The following WDR64 variants were observed in gnomAD, a reference collection of about 807,000 sequenced individuals.
WDR64 encodes WD repeat domain 64, also known as WD repeat-containing protein 64.
WDR64 carries 112 observed loss-of-function variants against 139.3 expected under a neutral mutation model. The observed-to-expected ratio is 0.80, with a 90% confidence interval of 0.69 to 0.94. The LOEUF is 0.94. Among genes scored for constraint, WDR64 ranks in the 40% least tolerant of loss-of-function variants. The probability of loss-of-function intolerance (pLI) is 0.00; values close to 1 mark genes in which losing one functional copy is unlikely to be tolerated. For synonymous variants in WDR64, 444 were observed against 437.7 expected (o/e 1.01, Z -0.18); for missense variants, 1,206 against 1,293.1 (o/e 0.93, Z 1.03).
At chr1:241,778,077 C>T (rs1658725490) in intron 21 of WDR64, among the ~76,000 whole-genome samples, 1 of 152,084 alleles carries the variant, frequency 6.6e-6, no homozygotes. Flanking sequence ...GATTTTCTGC[C>T]TGCTTGGTCT....
At chr1:241,705,944 T>C (rs938347539) in intron 8 of WDR64, among the ~76,000 whole-genome samples, 7 of 152,192 alleles carry the variant, frequency 4.6e-5, no homozygotes, top group Non-Finnish European at 1.0e-4. Flanking sequence ...TTCCCGGCCC[T>C]GGGCATTTTT....
intron 8 of WDR64, among the ~76,000 whole-genome samples, chr1:241,691,125 T>C (rs1667258784): frequency 6.6e-6 from 1 of 151,906 alleles, no homozygotes; most frequent in Non-Finnish European, 1.5e-5. Flanking sequence ...AAATGATAGG[T>C]CAACCACGAA....
At position 241,744,402 on chromosome 1, in the gene WDR64, C is replaced by T. The variant is rs1669669296; in HGVS notation, c.1480C>T (p.Leu494Phe). 1.2e-6 allele frequency: 2 copies of T among 1,614,078 alleles called. No individual in the cohort carries two copies. The highest frequency in any genetic ancestry group is 1.7e-5 in the Admixed American group (1 of 60,008). The change falls in exon 13 of 28, where the codon CTC becomes TTC. Residue 494 changes from leucine (L) to phenylalanine (F), a missense_variant. Physicochemically the swap from Leu to Phe is conservative, Grantham distance 22. Transcript: ENST00000437684. Reference sequence around the variant, plus strand: ...TCGTTCTTTCCCATAGGTATGGGAACTCGAGACTGGGCTCCAAGTATACCA... The same window carrying T: ...TCGTTCTTTCCCATAGGTATGGGAATTCGAGACTGGGCTCCAAGTATACCA... ...CSESIIRVWE[L>F]ETGLQVYQIL...
At chr1:241,722,759 A>C (rs2148198924) in intron 9 of WDR64, among the ~76,000 whole-genome samples, 1 of 152,330 alleles carries the variant, frequency 6.6e-6, no homozygotes, top group Admixed American at 6.5e-5. Context: ...GATTTTTAGC[A>C]ATTAAAAAAC....
intron 1 of WDR64, among the ~76,000 whole-genome samples, chr1:241,654,813 T>C (rs1665515832): frequency 6.6e-6 from 1 of 152,236 alleles, no homozygotes; most frequent in Non-Finnish European, 1.5e-5. Flanking sequence ...CTTTGTTTCA[T>C]GCACAGAATT....
intron 17 of WDR64, 88 bp from the exon 18 acceptor site, chr1:241,770,533 A>C: frequency 8.6e-7 from 1 of 1,163,046 alleles, no homozygotes; most frequent in African/African-American, 1.5e-5. Context: ...AGAAGCAATC[A>C]GCTGAAATTA....
intron 9 of WDR64, among the ~76,000 whole-genome samples, chr1:241,712,598 G>A (rs567302108): frequency 6.6e-6 from 1 of 152,256 alleles, no homozygotes; most frequent in Admixed American, 6.5e-5. Context: ...CTTGCGAGCT[G>A]TGTGGTGGGC....
Position 241,801,675 on chromosome 1 carries a change from T to G in WDR64, c.*460T>G. The G allele has an allele frequency of 2.5e-6, 1 of 398,668 alleles. No homozygotes were observed. Among genetic ancestry groups the G allele is most frequent in the Admixed American group, 4.4e-5 (1 of 22,736 alleles). 24.7% of individuals were successfully genotyped at this position (398,668 alleles called of 1,614,324 possible). A position where few individuals can be genotyped will look rare whatever the true frequency, so the allele number is the denominator to read the frequency against. ...CCAGTCAGATCTCTAGATGTTTGTC[T>G]TCTTCATTTAGAGAAATATTATCTG... On this transcript the variant is annotated 3_prime_UTR_variant, in exon 28 of 28. Coordinates refer to ENST00000437684, the MANE Select transcript of WDR64 (RefSeq NM_001367482.1).
At chr1:241,766,158 C>A in intron 15 of WDR64, 60 bp from the exon 16 acceptor site, 2 of 1,550,784 alleles carry the variant, frequency 1.3e-6, no homozygotes, top group Non-Finnish European at 8.8e-7. Flanking sequence ...GTACACATGG[C>A]GTTTGCACCG....
intron 12 of WDR64, among the ~76,000 whole-genome samples, chr1:241,743,327 A>G (rs1283952472): frequency 1.3e-5 from 2 of 152,106 alleles, no homozygotes; most frequent in African/African-American, 2.4e-5. Flanking sequence ...AATGACCCAC[A>G]TTTCTCTTTC....
chr1:241,778,792 C>A (rs190514625), intron 21 of WDR64, among the ~76,000 whole-genome samples: 227 of 152,120 alleles, frequency 1.5e-3, no homozygotes, highest in African/African-American at 5.3e-3. Context: ...CCAAAGTATT[C>A]CTAATGTCTC....
At chr1:241,721,658 A>G (rs1309950727) in intron 9 of WDR64, among the ~76,000 whole-genome samples, 1 of 149,840 alleles carries the variant, frequency 6.7e-6, no homozygotes, top group Non-Finnish European at 1.5e-5. Flanking sequence ...TCCCAGTTTG[A>G]AGTTCTTTGA....
intron 8 of WDR64, among the ~76,000 whole-genome samples, chr1:241,691,265 C>T (rs1033735268): frequency 1.3e-5 from 2 of 151,954 alleles, no homozygotes; most frequent in African/African-American, 4.8e-5. Flanking sequence ...CAAAGAAAAG[C>T]AGCAATTAAT....
intron 14 of WDR64, among the ~76,000 whole-genome samples, chr1:241,752,455 A>G (rs1406444004): frequency 6.6e-6 from 1 of 152,204 alleles, no homozygotes; most frequent in African/African-American, 2.4e-5. Context: ...CTCTAGGTCA[A>G]TCTTCAAAAG....
intron 10 of WDR64, among the ~76,000 whole-genome samples, chr1:241,732,305 CT>C (rs200393122): frequency 0.16 from 24,001 of 152,044 alleles, 2,226 homozygotes; most frequent in East Asian, 0.28. Context: ...AATGCAGTAT[CT>C]ATCTATCTAT....
chr1:241,770,426 C>G, intron 17 of WDR64, 195 bp from the exon 18 acceptor site: 1 of 476,290 alleles, frequency 2.1e-6, no homozygotes, highest in Non-Finnish European at 3.7e-6. Context: ...TGAGGCTCCC[C>G]AAGAGTCTCC....
chr1:241,711,392 T>C (rs1364358961), intron 8 of WDR64, among the ~76,000 whole-genome samples: 1 of 152,090 alleles, frequency 6.6e-6, no homozygotes, highest in Non-Finnish European at 1.5e-5. Context: ...TAACAGGACT[T>C]GACAGCAGAT....
intron 8 of WDR64, among the ~76,000 whole-genome samples, chr1:241,701,787 C>T (rs1360176408): frequency 1.3e-5 from 2 of 152,220 alleles, no homozygotes; most frequent in Non-Finnish European, 2.9e-5. Flanking sequence ...TCCTGAGCAG[C>T]CACTGCCATT....
intron 1 of WDR64, among the ~76,000 whole-genome samples, chr1:241,655,819 G>A (rs1665572096): frequency 6.6e-6 from 1 of 151,058 alleles, no homozygotes; most frequent in South Asian, 2.1e-4. Context: ...CCTCAGCACT[G>A]TTCATGCACT....
Sources: allele counts gnomAD v4.1 joint callset (sites outside exome capture counted in the v4.1 genomes callset), GRCh38; gene constraint gnomAD v4.1.1; transcripts MANE v1.5; gene names NCBI Gene and HGNC (gene_info 2026-07-23, HGNC 2026-07-21).